HNRNPD: variants seen among roughly 807,000 people sequenced by gnomAD.
The protein encoded by HNRNPD is heterogeneous nuclear ribonucleoprotein D.
A neutral mutation model predicts 47.9 loss-of-function variants in HNRNPD; 3 were observed. The ratio of observed to expected loss-of-function variants is 0.06; its 90% CI spans 0.03 to 0.16. The LOEUF (loss-of-function observed/expected upper bound fraction) is 0.16, where lower values mean the gene tolerates loss of function less well. HNRNPD is among the 10% of genes least tolerant of loss of function. HNRNPD has a pLI of 1.00. For synonymous variants in HNRNPD, 171 were observed against 165.1 expected, an observed-to-expected ratio of 1.04 and a Z score of -0.28; for missense variants, 287 against 454.2, an observed-to-expected ratio of 0.63 and a Z score of 3.35.
At chr4:82,361,186 T>A (rs568654625) in intron 2 of HNRNPD, among the ~76,000 whole-genome samples, 1 of 152,348 alleles carries the variant, frequency 6.6e-6, no homozygotes, top group South Asian at 2.1e-4. Flanking sequence ...ATACATTTTC[T>A]TTAATTTGAA....
chr4:82,373,646 C>A lies in HNRNPD; in HGVS notation c.33G>T (p.Ala11=), dbSNP rs981898993. ...CTACCGCCGCCGTTGCCGCTGCCGC[C>A]GCCCCGTCCCCGCCGAACTGCTCCT... The part of the protein sequence containing the change: MSEEQFGGDG[A]AAAATAAVGG... Residue 11 remains alanine, a synonymous_variant, in exon 1 of 9, where the codon GCG becomes GCT. Coordinates refer to ENST00000313899, the MANE Select transcript of HNRNPD (RefSeq NM_031370.3). The A allele has an allele frequency of 6.4e-5, 97 of 1,526,128 alleles. No homozygotes were observed. The highest frequency in any genetic ancestry group is 8.2e-5 in the Non-Finnish European group (94 of 1,143,074). The allele number at this position is 1,526,128 out of a possible 1,614,324, so 94.5% of individuals were successfully genotyped here.
intron 2 of HNRNPD, among the ~76,000 whole-genome samples, chr4:82,371,093 G>A (rs754643028): frequency 6.6e-6 from 1 of 152,082 alleles, no homozygotes; most frequent in Non-Finnish European, 1.5e-5. Context: ...AACTGCTTCA[G>A]ACATCTCCAG....
intron 2 of HNRNPD, among the ~76,000 whole-genome samples, chr4:82,360,629 TCAA>T (rs150079570): frequency 0.057 from 8,701 of 152,186 alleles, 350 homozygotes; most frequent in Non-Finnish European, 0.082. Flanking sequence ...TCAGACTTGC[TCAA>T]CATTTTCTCT....
chr4:82,371,045 GACAA>G (rs1250452183), intron 2 of HNRNPD, among the ~76,000 whole-genome samples: 10 of 151,754 alleles, frequency 6.6e-5, no homozygotes, highest in East Asian at 1.9e-4. Flanking sequence ...CTAGGTAAAA[GACAA>G]ACATTTTTCC....
intron 1 of HNRNPD, 99 bp from the exon 2 acceptor site, chr4:82,371,683 G>A (rs1325109130): frequency 2.3e-6 from 2 of 859,832 alleles, no homozygotes; most frequent in South Asian, 1.6e-5. Context: ...CACTTCAACA[G>A]TAGGTAACTA....
At chr4:82,356,480 C>G in intron 7 of HNRNPD, 57 bp downstream of exon 7, 1 of 1,427,182 alleles carries the variant, frequency 7.0e-7, no homozygotes, top group Non-Finnish European at 9.8e-7. Context: ...TCTGCCTATC[C>G]AAATTTGTAC....
chr4:82,371,368 A>G (rs1720038486), intron 2 of HNRNPD, among the ~76,000 whole-genome samples, 160 bp downstream of exon 2: 1 of 152,176 alleles, frequency 6.6e-6, no homozygotes, highest in Admixed American at 6.5e-5. Context: ...AAGATTACAC[A>G]TGATGCCTAT....
At chr4:82,363,581 A>G (rs1351072593) in intron 2 of HNRNPD, among the ~76,000 whole-genome samples, 1 of 152,250 alleles carries the variant, frequency 6.6e-6, no homozygotes, top group Non-Finnish European at 1.5e-5. Context: ...CTAGCAACAA[A>G]GATGGCCCCT....
chr4:82,366,599 C>T (rs1343855268), intron 2 of HNRNPD, among the ~76,000 whole-genome samples: 2 of 151,912 alleles, frequency 1.3e-5, no homozygotes, highest in Non-Finnish European at 2.9e-5. Flanking sequence ...CGGAGTCTTG[C>T]TCTGTTGCCC....
Position 82,353,806 on chromosome 4 carries a change from CTGA to C in HNRNPD, c.*376_*378del, listed in dbSNP as rs1560432008. 3 of 152,568 alleles carry C rather than the reference CTGA, an allele frequency of 2.0e-5. No individual in the cohort carries two copies. Among genetic ancestry groups the C allele is most frequent in the Non-Finnish European group, 2.9e-5 (2 of 68,004 alleles). The allele number at this position is 152,568 out of a possible 1,614,324, so 9.5% of individuals were successfully genotyped here. ...TGAATCCATGACAATTTTTCCTATT[CTGA>C]TGATAAAAGAGCCAATACATTTTTA... On this transcript the variant is annotated 3_prime_UTR_variant, in exon 9 of 9. Coordinates refer to ENST00000313899, the MANE Select transcript of HNRNPD (RefSeq NM_031370.3).
chr4:82,373,122 A>G (rs1205234088), intron 1 of HNRNPD: 3 of 571,712 alleles, frequency 5.2e-6, no homozygotes, highest in South Asian at 3.1e-5. Flanking sequence ...AAGGTACCCC[A>G]CGACAGGCGG....
intron 2 of HNRNPD, among the ~76,000 whole-genome samples, chr4:82,361,180 A>G (rs1469556436): frequency 1.3e-5 from 2 of 152,164 alleles, no homozygotes; most frequent in Non-Finnish European, 2.9e-5. Flanking sequence ...CTCAATATAC[A>G]TTTTCTTTAA....
intron 4 of HNRNPD, 196 bp from the exon 5 acceptor site, chr4:82,357,640 T>C (rs10516673): frequency 0.023 from 9,733 of 422,184 alleles, 607 homozygotes; most frequent in East Asian, 0.19. Context: ...TCTAAGGTCT[T>C]CACAACTATT....
At chr4:82,360,844 C>G (rs1191377055) in intron 2 of HNRNPD, among the ~76,000 whole-genome samples, 1 of 152,156 alleles carries the variant, frequency 6.6e-6, no homozygotes, top group Admixed American at 6.5e-5. Flanking sequence ...TCCAAGATAC[C>G]TGATTAACTG....
chr4:82,355,568 G>A (rs1404215829), intron 7 of HNRNPD, 167 bp from the exon 8 acceptor site: 3 of 601,498 alleles, frequency 5.0e-6, no homozygotes, highest in South Asian at 2.1e-5. Flanking sequence ...AATATGTAGT[G>A]AATGCATACA....
chr4:82,361,458 G>A (rs1210095390), intron 2 of HNRNPD, among the ~76,000 whole-genome samples: 2 of 152,150 alleles, frequency 1.3e-5, no homozygotes, highest in East Asian at 3.9e-4. Flanking sequence ...CCCTTTCCAT[G>A]ATTATTACAG....
At position 82,373,778 on chromosome 4, in the gene HNRNPD, C is replaced by A; in HGVS notation, c.-100G>T. ...TCCCCGCCGCTGCCGCGCGCCCGCT[C>A]TACCTCGCGAAGCACACAAGACAGG... On this transcript the variant is annotated 5_prime_UTR_variant, in exon 1 of 9. Coordinates refer to ENST00000313899, the MANE Select transcript of HNRNPD (RefSeq NM_031370.3). The A allele has an allele frequency of 6.6e-7, 1 of 1,525,904 alleles. No individual in the cohort carries two copies. The highest frequency in any genetic ancestry group is 8.7e-7 in the Non-Finnish European group (1 of 1,142,972). The allele number at this position is 1,525,904 out of a possible 1,614,324, so 94.5% of individuals were successfully genotyped here. A position where few individuals can be genotyped will look rare whatever the true frequency, so the allele number is the denominator to read the frequency against.
chr4:82,358,716 G>A lies in HNRNPD; in HGVS notation c.564C>T (p.Gly188=), dbSNP rs1723832580. 1.2e-6 allele frequency: 2 copies of A among 1,612,412 alleles called. No homozygotes were observed. Among genetic ancestry groups the A allele is most frequent in the Non-Finnish European group, 1.7e-6 (2 of 1,179,822 alleles). Residue 188 remains glycine (G), a synonymous_variant, in exon 4 of 9, where the codon GGC becomes GGT. Coordinates refer to ENST00000313899, the MANE Select transcript of HNRNPD (RefSeq NM_031370.3). The stretch of plus-strand genomic sequence containing the variant: ...TCTCTTCAGGTGTATCTGGAGAAAG[G>A]CCACCAACAAAAATTTTTTTAACCG... ...KEPVKKIFVG[G]LSPDTPEEKI...
rs1296140098 is a variant in HNRNPD, at chr4:82,352,924, TATA to T, written c.*1258_*1260del. 2 of 152,200 alleles carry T rather than the reference TATA, an allele frequency of 1.3e-5. No homozygotes were observed. Among genetic ancestry groups the T allele is most frequent in the South Asian group, 2.1e-4 (1 of 4,826 alleles). The allele number at this position is 152,200 out of a possible 1,614,324, so 9.4% of individuals were successfully genotyped here. On this transcript the variant is annotated 3_prime_UTR_variant, in exon 9 of 9. Coordinates refer to ENST00000313899, the MANE Select transcript of HNRNPD (RefSeq NM_031370.3). ...CCATCACTTCACTACTATAGAACTG[TATA>T]ATAATACATTTCTCATTTGTTACCT...
Sources: gnomAD v4.1 joint callset for allele counts (sites outside exome capture counted in the v4.1 genomes callset) on GRCh38, gnomAD v4.1.1 for gene constraint, MANE v1.5 for transcripts, NCBI Gene and HGNC (gene_info 2026-07-23, HGNC 2026-07-21) for gene names.